Variants in SOD2 observed in about 807,000 individuals in gnomAD.
SOD2 encodes the protein superoxide dismutase 2, also known as superoxide dismutase [Mn], mitochondrial.
SOD2 carries 11 observed loss-of-function variants against 27.0 expected under a neutral mutation model. The ratio of observed to expected loss-of-function variants is 0.41; its 90% CI spans 0.26 to 0.67. SOD2 has a LOEUF of 0.67. SOD2 is among the 30% of genes least tolerant of loss of function. The pLI is 0.34. For synonymous variants in SOD2, 105 were observed against 103.0 expected (o/e 1.02, Z -0.12); for missense variants, 250 against 274.5 (o/e 0.91, Z 0.63).
In SOD2 at chr6:159,672,487, AAAC is replaced by A. The variant is rs1779687402; in HGVS notation, c.*10003_*10005del. The A allele has an allele frequency of 6.6e-6, 1 of 152,190 alleles. No homozygotes were observed. Among genetic ancestry groups the A allele is most frequent in the African/African-American group, 2.4e-5 (1 of 41,438 alleles). The allele number at this position is 152,190 out of a possible 1,614,324, so 9.4% of individuals were successfully genotyped here. On this transcript the variant is annotated 3_prime_UTR_variant, in exon 5 of 5. Transcript: ENST00000538183. The stretch of plus-strand genomic sequence containing the variant: ...TCAACCCAGAATTTCATATCCAGCC[AAAC>A]TAAGCTTCATAAGTGAAGGAGAAAT...
chr6:159,669,950 AAAGTTATCATC>A lies in SOD2; in HGVS notation c.*12532_*12542del, dbSNP rs1779619663. 1 of 152,182 alleles carries A rather than the reference AAAGTTATCATC, an allele frequency of 6.6e-6. No homozygotes were observed. Among genetic ancestry groups the A allele is most frequent in the Non-Finnish European group, 1.5e-5 (1 of 68,022 alleles). The allele number at this position is 152,182 out of a possible 1,614,324, so 9.4% of individuals were successfully genotyped here. ...GGGAGAATTTAATCCATTTACATTC[AAAGTTATCATC>A]AATAGAGGTGCAGACTTTTTAAACA... is the stretch of plus-strand genomic sequence containing the variant. On this transcript the variant is annotated 3_prime_UTR_variant, in exon 5 of 5. Transcript: ENST00000538183.
exon 1 of SOD2, chr6:159,727,339 T>TG: frequency 8.2e-7 from 1 of 1,213,508 alleles, no homozygotes; most frequent in Non-Finnish European, 1.1e-6. Flanking sequence ...CTCCTGTGAG[T>TG]GGGCCAGAAG....
chr6:159,708,656 G>T lies in SOD2; in HGVS notation c.-115-15793C>A, dbSNP rs556636382. 9.2e-5 allele frequency among the ~76,000 whole-genome samples: 14 copies of T among 152,302 alleles called. No individual in the cohort carries two copies. In the East Asian group the frequency reaches 2.7e-3, roughly 29 times the overall value. The stretch of plus-strand genomic sequence containing the variant: ...AATTGAAGAACATTCCATGGTCATG[G>T]ATGGGAAGAATCAATATCGTGAAAA... On this transcript the variant is annotated intron_variant, in intron 1 of 2. Coordinates refer to the SOD2 transcript ENST00000401980.
upstream of SOD2, among the ~76,000 whole-genome samples, chr6:159,729,670 A>G (rs555244624): frequency 1.3e-5 from 2 of 152,368 alleles, no homozygotes; most frequent in East Asian, 3.8e-4. Flanking sequence ...GGAAACTGCA[A>G]GAGTTAAAAG....
intron 1 of SOD2, among the ~76,000 whole-genome samples, chr6:159,702,736 A>G (rs1257514110): frequency 6.7e-6 from 1 of 148,600 alleles, no homozygotes. Flanking sequence ...CTGTAGTCCC[A>G]GTTACTGAGA....
intron 1 of SOD2, among the ~76,000 whole-genome samples, chr6:159,735,210 G>A (rs566378903): frequency 1.7e-4 from 26 of 152,192 alleles, no homozygotes; most frequent in African/African-American, 6.3e-4. Context: ...GCGCCATCTC[G>A]GCTCACTGCA....
At chr6:159,754,896 TG>T (rs1248552004) in intron 1 of SOD2, 39 of 994,154 alleles carry the variant, frequency 3.9e-5, no homozygotes, top group Non-Finnish European at 5.5e-5. Context: ...AATTTTTAAA[TG>T]TAGTGTGATT....
chr6:159,727,412 G>T (rs1397115525), upstream of SOD2: 10 of 765,798 alleles, frequency 1.3e-5, 1 homozygote, highest in Middle Eastern at 1.8e-3. Context: ...AGGCAGTGGC[G>T]CTGGCCTGCG....
At chr6:159,718,622 GC>G in intron 1 of SOD2, among the ~76,000 whole-genome samples, 1 of 152,234 alleles carries the variant, frequency 6.6e-6, no homozygotes, top group South Asian at 2.1e-4. Flanking sequence ...GGGTTATGTT[GC>G]ATTGCTGCTC....
intron 1 of SOD2, chr6:159,713,033 G>C (rs1228307623): frequency 3.1e-6 from 2 of 637,434 alleles, no homozygotes; most frequent in Admixed American, 2.6e-5. Context: ...CTCTGTCATC[G>C]TGTCCAATTT....
At chr6:159,704,474 T>G (rs1288406449) in intron 1 of SOD2, among the ~76,000 whole-genome samples, 1 of 152,200 alleles carries the variant, frequency 6.6e-6, no homozygotes, top group Admixed American at 6.5e-5. Context: ...CACCAGGAGA[T>G]TATATCCTGT....
At chr6:159,727,874 C>T (rs1019136635), upstream of SOD2, among the ~76,000 whole-genome samples, 3 of 152,230 alleles carry the variant, frequency 2.0e-5, no homozygotes, top group African/African-American at 4.8e-5. Context: ...GCGGGGAACA[C>T]TTCCGCCGCT....
intron 1 of SOD2, among the ~76,000 whole-genome samples, chr6:159,732,701 G>A (rs1387020613): frequency 1.3e-5 from 2 of 152,124 alleles, no homozygotes; most frequent in Non-Finnish European, 2.9e-5. Flanking sequence ...GCAGGCACCT[G>A]TAATCTCAGC....
intron 1 of SOD2, among the ~76,000 whole-genome samples, chr6:159,722,985 A>G (rs2842967): frequency 0.4 from 61,563 of 152,066 alleles, 13,776 homozygotes; most frequent in Admixed American, 0.52. Context: ...TGCTCCTTTA[A>G]CCAAGACCAT....
exon 1 of SOD2, chr6:159,727,332 C>T: frequency 8.0e-7 from 1 of 1,251,758 alleles, no homozygotes; most frequent in Non-Finnish European, 1.0e-6. Flanking sequence ...GGCGACTCTC[C>T]TGTGAGTGGG....
At chr6:159,693,728 C>G (rs957759153), upstream of SOD2, among the ~76,000 whole-genome samples, 7 of 152,214 alleles carry the variant, frequency 4.6e-5, no homozygotes, top group Non-Finnish European at 2.9e-5. Context: ...GTGGCCGTTC[C>G]TAGGGAAGAC....
chr6:159,755,219 A>C (rs1461764977), intron 1 of SOD2: 7 of 1,614,112 alleles, frequency 4.3e-6, no homozygotes. Context: ...AGAGGCCACA[A>C]GTAAAGACTG....
Position 159,670,863 on chromosome 6 carries a change from C to T in SOD2, c.*11630G>A, listed in dbSNP as rs1779640084. On this transcript the variant is annotated 3_prime_UTR_variant, in exon 5 of 5. Transcript: ENST00000538183. ...AGCCAAGGGAAGCTGTGACAGACGG[C>T]ACCTGGAAAATTGGGTCACTCCCAC... 6.6e-6 allele frequency: 1 copy of T among 152,262 alleles called. No individual in the cohort carries two copies. Among genetic ancestry groups the T allele is most frequent in the Non-Finnish European group, 1.5e-5 (1 of 68,090 alleles). 9.4% of individuals were successfully genotyped at this position (152,262 alleles called of 1,614,324 possible). A position where few individuals can be genotyped will look rare whatever the true frequency, so the allele number is the denominator to read the frequency against.
chr6:159,717,296 T>C (rs1777938308), intron 1 of SOD2, among the ~76,000 whole-genome samples: 1 of 152,176 alleles, frequency 6.6e-6, no homozygotes, highest in Non-Finnish European at 1.5e-5. Flanking sequence ...TATTTTAGAA[T>C]TAGAGACAGG....
Sources: gnomAD v4.1 joint callset for allele counts (sites outside exome capture counted in the v4.1 genomes callset) on GRCh38, gnomAD v4.1.1 for gene constraint, MANE v1.5 for transcripts, NCBI Gene and HGNC (gene_info 2026-07-23, HGNC 2026-07-21) for gene names.